Variants in KCNMA1 observed in about 807,000 individuals in gnomAD.
KCNMA1 encodes Calcium-activated potassium channel subunit alpha-1.
KCNMA1 carries 29 observed loss-of-function variants against 140.0 expected under a neutral mutation model. The observed-to-expected ratio is 0.21, with a 90% CI of 0.15 to 0.28. The LOEUF (loss-of-function observed/expected upper bound fraction) is 0.28. Among genes scored for constraint, KCNMA1 ranks in the 10% least tolerant of loss-of-function variants. The pLI is 1.00. For missense variants in KCNMA1, 880 were observed against 1,602.2 expected, an observed-to-expected ratio of 0.55 and a Z score of 7.70; for synonymous variants, 612 against 611.9, an observed-to-expected ratio of 1.00 and a Z score of 0.00.
intron 1 of KCNMA1, among the ~76,000 whole-genome samples, chr10:77,519,422 T>C (rs958509559): frequency 3.9e-5 from 6 of 152,220 alleles, no homozygotes; most frequent in Non-Finnish European, 7.3e-5. Context: ...AAGATGCAGC[T>C]GTGTTTGAAG....
At chr10:77,049,069 G>A (rs1247770) in intron 14 of KCNMA1, among the ~76,000 whole-genome samples, 142,310 of 152,282 alleles carry the variant, frequency 0.93, 66,621 homozygotes, top group African/African-American at 0.98. Flanking sequence ...CGGCCAGAAC[G>A]TGATATTTAG....
intron 1 of KCNMA1, among the ~76,000 whole-genome samples, chr10:77,435,742 C>T (rs2154500678): frequency 6.6e-6 from 1 of 152,334 alleles, no homozygotes; most frequent in Admixed American, 6.5e-5. Context: ...ACCTAAACAA[C>T]ACAGGTCTGT....
chr10:77,305,344 CTTCT>C (rs974601059), intron 2 of KCNMA1, among the ~76,000 whole-genome samples: 2 of 152,200 alleles, frequency 1.3e-5, no homozygotes, highest in African/African-American at 4.8e-5. Flanking sequence ...CCTATTTCCT[CTTCT>C]TTATCTTTAT....
chr10:77,531,161 C>A (rs533320337), intron 1 of KCNMA1, among the ~76,000 whole-genome samples: 1 of 152,270 alleles, frequency 6.6e-6, no homozygotes, highest in South Asian at 2.1e-4. Flanking sequence ...CTTGGGTGTG[C>A]CTGATTCTAA....
intron 2 of KCNMA1, among the ~76,000 whole-genome samples, chr10:77,276,655 C>T (rs1187559212): frequency 6.6e-6 from 1 of 152,102 alleles, no homozygotes; most frequent in Non-Finnish European, 1.5e-5. Flanking sequence ...CAGATTGACC[C>T]AGTAACTACC....
chr10:77,417,876 C>T (rs944466852), intron 1 of KCNMA1, among the ~76,000 whole-genome samples: 1 of 152,168 alleles, frequency 6.6e-6, no homozygotes, highest in African/African-American at 2.4e-5. Flanking sequence ...CTTTGGGAGG[C>T]AGAAAGATGG....
intron 2 of KCNMA1, among the ~76,000 whole-genome samples, chr10:77,257,629 A>T (rs507278): frequency 6.6e-6 from 1 of 152,166 alleles, no homozygotes; most frequent in Non-Finnish European, 1.5e-5. Flanking sequence ...TCCCCACCCA[A>T]ATCTTATCTT....
At chr10:77,574,439 T>C (rs1436459663) in intron 1 of KCNMA1, among the ~76,000 whole-genome samples, 1 of 152,184 alleles carries the variant, frequency 6.6e-6, no homozygotes, top group African/African-American at 2.4e-5. Flanking sequence ...CTGAATCTTT[T>C]TAACACAAAC....
intron 20 of KCNMA1, among the ~76,000 whole-genome samples, chr10:76,962,859 C>A (rs1247494369): frequency 6.6e-6 from 1 of 152,294 alleles, no homozygotes; most frequent in Middle Eastern, 3.4e-3. Context: ...GCAAACCTTT[C>A]GTGGAGATCC....
rs144456981 is a variant in KCNMA1 at position 77,614,588 on chromosome 10, C to G, written c.378+22677G>C. On this transcript the variant is annotated intron_variant, in intron 1 of 27. Coordinates refer to ENST00000286628, the MANE Select transcript of KCNMA1 (RefSeq NM_001161352.2). Reference sequence around the variant, plus strand: ...TCACAAAAATGGGAGCCATTACCTACTGAGTATTTTTCATGTGCTAGGTGG... The same window carrying G: ...TCACAAAAATGGGAGCCATTACCTAGTGAGTATTTTTCATGTGCTAGGTGG... Among the ~76,000 whole-genome samples, 3 of 152,288 alleles carry G rather than the reference C, an allele frequency of 2.0e-5. No individual in the cohort carries two copies. The East Asian group carries it at 5.8e-4, about 29-fold the overall frequency.
intron 2 of KCNMA1, among the ~76,000 whole-genome samples, chr10:77,303,686 A>G (rs1839160349): frequency 6.6e-6 from 1 of 152,078 alleles, no homozygotes; most frequent in Non-Finnish European, 1.5e-5. Context: ...TGCCACCCTG[A>G]GTGTGACCTG....
At chr10:77,032,130 A>G (rs949678213) in intron 15 of KCNMA1, among the ~76,000 whole-genome samples, 6 of 152,184 alleles carry the variant, frequency 3.9e-5, no homozygotes, top group African/African-American at 1.4e-4. Context: ...ATGCAAGTCC[A>G]ATTCTAAGAT....
intron 2 of KCNMA1, among the ~76,000 whole-genome samples, chr10:77,328,361 CT>C (rs756914567): frequency 2.2e-4 from 34 of 152,336 alleles, no homozygotes; most frequent in Non-Finnish European, 4.0e-4. Flanking sequence ...AGGGCCAGTA[CT>C]GTCAAGTCCC....
intron 5 of KCNMA1, among the ~76,000 whole-genome samples, chr10:77,128,682 G>A (rs1185808178): frequency 6.6e-6 from 1 of 152,114 alleles, no homozygotes. Flanking sequence ...ATTTTAGGCT[G>A]TCACAACGAC....
At chr10:77,026,099 A>T (rs2093434248) in intron 16 of KCNMA1, among the ~76,000 whole-genome samples, 1 of 151,960 alleles carries the variant, frequency 6.6e-6, no homozygotes, top group African/African-American at 2.4e-5. Flanking sequence ...ATCCAAGAAA[A>T]GTTTCATCTT....
chr10:77,529,394 C>T (rs1368568648), intron 1 of KCNMA1, among the ~76,000 whole-genome samples: 1 of 151,998 alleles, frequency 6.6e-6, no homozygotes, highest in African/African-American at 2.4e-5. Context: ...TCAGCCCCTG[C>T]CTGCTGTAGA....
At chr10:76,870,886 C>G (rs2031172658) in exon 28 of KCNMA1, 1 of 152,272 alleles carries the variant, frequency 6.6e-6, no homozygotes, top group Non-Finnish European at 1.5e-5. Flanking sequence ...TGACTTGTGC[C>G]TCACCATCTC....
chr10:77,461,109 G>GA (rs1207171790), intron 1 of KCNMA1, among the ~76,000 whole-genome samples: 35 of 144,910 alleles, frequency 2.4e-4, no homozygotes, highest in Non-Finnish European at 2.3e-4. Context: ...TCTGTCTCAA[G>GA]AAAAAAAAAA....
Position 76,887,245 on chromosome 10 carries a change from C to T in KCNMA1, c.*21G>A, listed in dbSNP as rs774699192. ...AATGAGTGGCAGATACAGTTTCACA[C>T]AGTGGCGGTGGATACACATATCAAA... On this transcript the variant is annotated 3_prime_UTR_variant, in exon 28 of 28. Coordinates refer to ENST00000286628, the MANE Select transcript of KCNMA1 (RefSeq NM_001161352.2). The T allele has an allele frequency of 1.7e-5, 28 of 1,613,974 alleles. No individual in the cohort carries two copies. Among genetic ancestry groups the T allele is most frequent in the Non-Finnish European group, 2.4e-5 (28 of 1,180,024 alleles).
Sources: allele counts gnomAD v4.1 joint callset (sites outside exome capture counted in the v4.1 genomes callset), GRCh38; gene constraint gnomAD v4.1.1; transcripts MANE v1.5; gene names NCBI Gene and HGNC (gene_info 2026-07-23, HGNC 2026-07-21).